RAI14: variants seen among roughly 807,000 people sequenced by gnomAD.
RAI14 encodes ankycorbin.
In RAI14, 45 loss-of-function variants were observed where a neutral mutation model predicts 115.4. The observed-to-expected ratio is 0.39, with a 90% confidence interval of 0.31 to 0.50. The LOEUF is 0.50. Ranked by LOEUF, RAI14 falls within the 20% of genes least tolerant of loss-of-function variation. The pLI is 0.85. For synonymous variants in RAI14, 371 were observed against 415.4 expected (o/e 0.89, Z 1.30); for missense variants, 939 against 1,131.2 (o/e 0.83, Z 2.44).
At chr5:34,722,785 G>T (rs1373380060) in intron 2 of RAI14, among the ~76,000 whole-genome samples, 1 of 151,254 alleles carries the variant, frequency 6.6e-6, no homozygotes, top group Non-Finnish European at 1.5e-5. Context: ...GGTGGAGGTT[G>T]CAGTGAGCCA....
intron 1 of RAI14, among the ~76,000 whole-genome samples, chr5:34,678,625 C>A (rs1172598146): frequency 6.6e-6 from 1 of 152,166 alleles, no homozygotes; most frequent in East Asian, 1.9e-4. Flanking sequence ...GGAAACCAAC[C>A]CTGTTGACAC....
chr5:34,769,948 T>TA (rs893718089), intron 3 of RAI14, among the ~76,000 whole-genome samples: 6 of 152,146 alleles, frequency 3.9e-5, no homozygotes, highest in Non-Finnish European at 5.9e-5. Flanking sequence ...AGGCTGGTCT[T>TA]AAACTCCTCA....
intron 1 of RAI14, among the ~76,000 whole-genome samples, chr5:34,666,335 G>T (rs973269313): frequency 2.0e-5 from 3 of 151,844 alleles, no homozygotes; most frequent in East Asian, 3.9e-4. Context: ...GGTGTCCCAG[G>T]CACCTCCTGA....
chr5:34,809,325 A>C (rs966273586), intron 7 of RAI14, among the ~76,000 whole-genome samples: 1 of 152,150 alleles, frequency 6.6e-6, no homozygotes, highest in Admixed American at 6.5e-5. Context: ...TGGTATTTCC[A>C]TTTACAAAAT....
chr5:34,667,655 T>A (rs1388970168), intron 1 of RAI14, among the ~76,000 whole-genome samples: 1 of 152,178 alleles, frequency 6.6e-6, no homozygotes, highest in African/African-American at 2.4e-5. Flanking sequence ...TGGGCTACTT[T>A]TGATTTTTGA....
intron 2 of RAI14, among the ~76,000 whole-genome samples, chr5:34,720,401 ATTTTTTTTTTTTTTT>A (rs35380327): frequency 1.2e-5 from 1 of 80,230 alleles, no homozygotes; most frequent in African/African-American, 5.4e-5. Flanking sequence ...CCTGTCTCAG[ATTTTTTTTTTTTTTT>A]TTTTTTTTTT....
intron 2 of RAI14, among the ~76,000 whole-genome samples, chr5:34,733,461 G>T (rs996240240): frequency 3.9e-5 from 6 of 152,126 alleles, no homozygotes; most frequent in Non-Finnish European, 8.8e-5. Flanking sequence ...CTCTCTAGTT[G>T]CTGATTTCAA....
At chr5:34,808,753 C>T (rs1755221358) in intron 7 of RAI14, 99 bp downstream of exon 7, 2 of 1,175,816 alleles carry the variant, frequency 1.7e-6, no homozygotes, top group Admixed American at 4.2e-5. Flanking sequence ...TAGCAGTCTC[C>T]AACCTTTTTG....
chr5:34,739,804 G>A (rs1044503752), intron 2 of RAI14, among the ~76,000 whole-genome samples: 2 of 152,172 alleles, frequency 1.3e-5, no homozygotes, highest in Non-Finnish European at 2.9e-5. Context: ...GCTCATGCCT[G>A]TAATCCCAGC....
At chr5:34,767,164 A>G (rs1749501024) in intron 3 of RAI14, among the ~76,000 whole-genome samples, 1 of 152,110 alleles carries the variant, frequency 6.6e-6, no homozygotes, top group Admixed American at 6.6e-5. Flanking sequence ...AGCATTTTTC[A>G]TTTTAGAGCT....
intron 4 of RAI14, among the ~76,000 whole-genome samples, chr5:34,802,861 C>G (rs1196556855): frequency 6.6e-6 from 1 of 152,178 alleles, no homozygotes; most frequent in Admixed American, 6.5e-5. Context: ...TTACAACTCT[C>G]TCCCTTCTGT....
intron 2 of RAI14, among the ~76,000 whole-genome samples, chr5:34,691,701 C>T (rs1738624048): frequency 6.6e-6 from 1 of 152,116 alleles, no homozygotes; most frequent in Admixed American, 6.5e-5. Flanking sequence ...TCACGGTTTA[C>T]TTTGAGGGTG....
Position 34,830,905 on chromosome 5 carries a change from G to A in RAI14, c.*140G>A. On this transcript the variant is annotated 3_prime_UTR_variant, in exon 18 of 18. Coordinates refer to ENST00000265109, the MANE Select transcript of RAI14 (RefSeq NM_015577.3). Reference sequence around the variant, plus strand: ...GCTTCTTCCCTTTCCAAAGGTTTCTGAGGACTTCTCCCAGGAGAAGACTGC... The same window carrying A: ...GCTTCTTCCCTTTCCAAAGGTTTCTAAGGACTTCTCCCAGGAGAAGACTGC... The A allele has an allele frequency of 6.9e-7, 1 of 1,445,676 alleles. No individual in the cohort carries two copies. Among genetic ancestry groups the A allele is most frequent in the Non-Finnish European group, 9.2e-7 (1 of 1,092,088 alleles). 89.6% of individuals were successfully genotyped at this position (1,445,676 alleles called of 1,614,324 possible).
chr5:34,756,094 T>G (rs192373467), intron 2 of RAI14, among the ~76,000 whole-genome samples: 5 of 152,304 alleles, frequency 3.3e-5, no homozygotes, highest in Admixed American at 1.3e-4. Context: ...CGTTCAGAGA[T>G]GCAAATTCTG....
chr5:34,695,729 T>C (rs1392241193), intron 2 of RAI14, among the ~76,000 whole-genome samples: 1 of 152,014 alleles, frequency 6.6e-6, no homozygotes, highest in Non-Finnish European at 1.5e-5. Context: ...AACTTTAAAA[T>C]CACATAAGTC....
Position 34,768,437 on chromosome 5 carries a change from G to A in RAI14, c.167+10839G>A, listed in dbSNP as rs185722844. ...TTTATTCATTCAACTTAGAGATCTC[G>A]TCAATTTCCATCAGGTGTTTCCCAT... On this transcript the variant is annotated intron_variant, in intron 3 of 17. Transcript: ENST00000265109. Among the ~76,000 whole-genome samples, 309 of 152,252 alleles carry A rather than the reference G, an allele frequency of 2.0e-3. 1 individual carries two copies. Among genetic ancestry groups the A allele is most frequent in the African/African-American group, 7.1e-3 (294 of 41,562 alleles).
chr5:34,679,846 C>T (rs1744262047), intron 1 of RAI14, among the ~76,000 whole-genome samples: 1 of 151,948 alleles, frequency 6.6e-6, no homozygotes, highest in Non-Finnish European at 1.5e-5. Flanking sequence ...TGCGTTTGTA[C>T]AAATATCCCA....
chr5:34,757,451 C>T lies in RAI14; in HGVS notation c.37-17C>T. The T allele has an allele frequency of 6.2e-7, 1 of 1,612,064 alleles. No individual in the cohort carries two copies. The highest frequency in any genetic ancestry group is 8.5e-7 in the Non-Finnish European group (1 of 1,179,006). ...CCAGTGTTGTTCATGACCTCTGTTT[C>T]TTCTCTTTCTCTACAGACCAATGAG... On this transcript the variant is annotated splice_polypyrimidine_tract_variant and intron_variant, in intron 2 of 17. Transcript: ENST00000265109.
At chr5:34,696,564 C>T (rs905978487) in intron 2 of RAI14, among the ~76,000 whole-genome samples, 1 of 152,196 alleles carries the variant, frequency 6.6e-6, no homozygotes, top group African/African-American at 2.4e-5. Context: ...CTGGCAGCCT[C>T]GAAACCAGTT....
Sources: allele counts gnomAD v4.1 joint callset (sites outside exome capture counted in the v4.1 genomes callset), GRCh38; gene constraint gnomAD v4.1.1; transcripts MANE v1.5; gene names NCBI Gene and HGNC (gene_info 2026-07-23, HGNC 2026-07-21).